Variants in CEP83 observed in about 807,000 individuals in gnomAD.
CEP83 encodes centrosomal protein 83.
Under a neutral mutation model 101.9 loss-of-function variants are expected in CEP83, and 70 were observed. The observed-to-expected ratio is 0.69, with a 90% CI of 0.57 to 0.84. CEP83 has a LOEUF of 0.84. CEP83 is among the 40% of genes least tolerant of loss of function. The pLI, the probability that CEP83 is intolerant of heterozygous loss-of-function variation, is 0.00. For synonymous variants in CEP83, 264 were observed against 267.9 expected (o/e 0.99, Z 0.14); for missense variants, 715 against 787.2 (o/e 0.91, Z 1.10).
the CEP83 span, among the ~76,000 whole-genome samples, chr12:94,291,626 A>G: frequency 6.6e-6 from 1 of 152,166 alleles, no homozygotes; most frequent in Non-Finnish European, 1.5e-5. Context: ...CATTGCCACA[A>G]TCTAATTTTA....
chr12:94,283,448 T>C, the CEP83 span, among the ~76,000 whole-genome samples: 2 of 152,222 alleles, frequency 1.3e-5, no homozygotes, highest in Non-Finnish European at 1.5e-5. Context: ...ATTTCCAGCA[T>C]GTCCCTGTAA....
intron 5 of CEP83, chr12:94,402,789 C>T (rs2063329906): frequency 6.5e-6 from 1 of 153,798 alleles, no homozygotes. Flanking sequence ...ATCCCAGCTA[C>T]TTGGGAGGCT....
At chr12:94,342,569 A>G (rs566309136) in intron 11 of CEP83, among the ~76,000 whole-genome samples, 1 of 152,332 alleles carries the variant, frequency 6.6e-6, no homozygotes, top group East Asian at 1.9e-4. Flanking sequence ...GCAAGGGCTC[A>G]CTGCATGTGA....
At chr12:94,369,660 G>A (rs1422524778) in intron 9 of CEP83, 1 of 249,238 alleles carries the variant, frequency 4.0e-6, no homozygotes, top group Non-Finnish European at 7.5e-6. Context: ...TATAAATCAG[G>A]AAGTATGGCA....
At chr12:94,412,630 C>A in intron 2 of CEP83, 39 bp from the exon 3 acceptor site, 1 of 584,342 alleles carries the variant, frequency 1.7e-6, no homozygotes. Flanking sequence ...AATTTGCGAT[C>A]AGTAAACGTA....
At chr12:94,327,875 CT>C (rs1159009866) in intron 14 of CEP83, among the ~76,000 whole-genome samples, 3 of 152,144 alleles carry the variant, frequency 2.0e-5, no homozygotes, top group Admixed American at 6.5e-5. Context: ...GGTTCTCAAA[CT>C]TTAGAGTCCA....
the CEP83 span, among the ~76,000 whole-genome samples, chr12:94,283,357 G>C: frequency 2.0e-4 from 30 of 152,024 alleles, no homozygotes; most frequent in African/African-American, 7.3e-4. Flanking sequence ...AACTTGAGAG[G>C]GGCAATGGAG....
chr12:94,287,530 T>C, the CEP83 span, among the ~76,000 whole-genome samples: 1 of 152,196 alleles, frequency 6.6e-6, no homozygotes, highest in African/African-American at 2.4e-5. Flanking sequence ...GGACAGGTGT[T>C]GGGCAGGAAA....
chr12:94,451,074 G>C (rs1393570306), intron 1 of CEP83, among the ~76,000 whole-genome samples: 1 of 152,148 alleles, frequency 6.6e-6, no homozygotes, highest in Non-Finnish European at 1.5e-5. Flanking sequence ...GAAGGGAAAA[G>C]AACAGTCTTT....
chr12:94,277,510 T>A, the CEP83 span, among the ~76,000 whole-genome samples: 1 of 152,212 alleles, frequency 6.6e-6, no homozygotes, highest in African/African-American at 2.4e-5. Context: ...TTACTGTTGT[T>A]ATGCCCTCTT....
intron 6 of CEP83, 109 bp from the exon 7 acceptor site, chr12:94,379,151 G>A: frequency 1.0e-6 from 1 of 968,990 alleles, no homozygotes; most frequent in Middle Eastern, 3.4e-4. Flanking sequence ...CAAAGCTCAG[G>A]TGCTGAAACA....
intron 2 of CEP83, among the ~76,000 whole-genome samples, chr12:94,418,616 A>C (rs1353520919): frequency 6.6e-6 from 1 of 152,194 alleles, no homozygotes. Context: ...AGAATAGATA[A>C]ATACATAGAA....
chr12:94,306,773 G>A (rs528679842), downstream of CEP83: 2 of 151,644 alleles, frequency 1.3e-5, no homozygotes, highest in African/African-American at 4.9e-5. Context: ...GGAAAAGCAT[G>A]AGAGAGGTGA....
At chr12:94,347,050 A>AATATAT (rs137940620) in intron 11 of CEP83, among the ~76,000 whole-genome samples, 4,201 of 131,968 alleles carry the variant, frequency 0.032, 199 homozygotes, top group African/African-American at 0.11. Context: ...AAAATAAACA[A>AATATAT]ATATATATAT....
rs559533215 is a variant in CEP83, at chr12:94,365,142, A to T, written c.1343+2652T>A. Reference sequence around the variant, plus strand: ...GAACTCTTAAAAAGTAAGGTAATTTAAAAAAAATTTTTAAGCAAGGGAAAA... The same window carrying T: ...GAACTCTTAAAAAGTAAGGTAATTTTAAAAAAATTTTTAAGCAAGGGAAAA... On this transcript the variant is annotated intron_variant, in intron 11 of 16. Coordinates refer to ENST00000397809, the MANE Select transcript of CEP83 (RefSeq NM_016122.3). 2.6e-5 allele frequency among the ~76,000 whole-genome samples: 4 copies of T among 152,256 alleles called. No individual in the cohort carries two copies. The South Asian group carries it at 6.2e-4, about 24-fold the overall frequency.
Position 94,308,204 on chromosome 12 carries a change from C to G in CEP83, c.*609G>C, listed in dbSNP as rs1368602236. 6.6e-6 allele frequency: 1 copy of G among 152,048 alleles called. No homozygotes were observed. The highest frequency in any genetic ancestry group is 1.5e-5 in the Non-Finnish European group (1 of 67,990). 9.4% of individuals were successfully genotyped at this position (152,048 alleles called of 1,614,324 possible). A position where few individuals can be genotyped will look rare whatever the true frequency, so the allele number is the denominator to read the frequency against. On this transcript the variant is annotated 3_prime_UTR_variant, in exon 17 of 17. Coordinates refer to ENST00000397809, the MANE Select transcript of CEP83 (RefSeq NM_016122.3). ...TAATTATTTGCACTTATTCTCTATT[C>G]TAACAAAGCCAAAATCAGTAGACTG...
chr12:94,291,862 G>C, the CEP83 span, among the ~76,000 whole-genome samples: 1 of 152,190 alleles, frequency 6.6e-6, no homozygotes, highest in Admixed American at 6.5e-5. Flanking sequence ...CCATCACCCA[G>C]TGAACGTAGT....
chr12:94,335,179 C>G (rs1429539912), intron 12 of CEP83, among the ~76,000 whole-genome samples: 3 of 152,064 alleles, frequency 2.0e-5, no homozygotes, highest in Non-Finnish European at 4.4e-5. Context: ...TCCATAAATA[C>G]AAATCTTGGA....
intron 11 of CEP83, among the ~76,000 whole-genome samples, chr12:94,343,138 T>TAG (rs1167356039): frequency 1.3e-5 from 2 of 150,882 alleles, no homozygotes; most frequent in Non-Finnish European, 3.0e-5. Context: ...TATATATATA[T>TAG]AGAACTTCAT....
Sources: gnomAD v4.1 joint callset for allele counts (sites outside exome capture counted in the v4.1 genomes callset) on GRCh38, gnomAD v4.1.1 for gene constraint, MANE v1.5 for transcripts, NCBI Gene and HGNC (gene_info 2026-07-23, HGNC 2026-07-21) for gene names.